The following KLF12 variants were observed in gnomAD, a reference collection of about 807,000 sequenced individuals.
The protein encoded by KLF12 is KLF transcription factor 12.
In KLF12, 9 loss-of-function variants were observed where a neutral mutation model predicts 37.8. That is an observed-to-expected ratio of 0.24 (90% CI 0.14 to 0.42). The LOEUF is 0.42. Ranked by LOEUF, KLF12 falls within the 10% of genes least tolerant of loss-of-function variation. KLF12 has a pLI of 1.00. For synonymous variants in KLF12, 208 were observed against 202.1 expected (o/e 1.03, Z -0.25); for missense variants, 411 against 516.0 (o/e 0.80, Z 1.97).
intron 5 of KLF12, among the ~76,000 whole-genome samples, chr13:73,795,886 A>G (rs1053972175): frequency 6.6e-6 from 1 of 152,206 alleles, no homozygotes; most frequent in African/African-American, 2.4e-5. Context: ...GAACTTTTAA[A>G]GTTCATATGG....
rs191975923 is a variant in KLF12 at position 73,993,583 on chromosome 13, A to G, written c.33+1407T>C. The stretch of plus-strand genomic sequence containing the variant: ...ATTTCTAAAGGAAAGGGATAAATAC[A>G]TTTTGCATGATAGGTAAAGAACATT... On this transcript the variant is annotated intron_variant, in intron 2 of 7. Transcript: ENST00000377669. Among the ~76,000 whole-genome samples the G allele has an allele frequency of 1.1e-3, 173 of 152,332 alleles. 1 individual carries two copies. The highest frequency in any genetic ancestry group is 1.6e-3 in the Non-Finnish European group (110 of 68,026).
At chr13:73,778,974 C>T (rs973170609) in intron 5 of KLF12, among the ~76,000 whole-genome samples, 4 of 152,106 alleles carry the variant, frequency 2.6e-5, no homozygotes, top group Admixed American at 6.5e-5. Flanking sequence ...GTGCTGTTTG[C>T]AGTTAAGGAT....
At chr13:74,126,621 G>A (rs1877959088) in intron 1 of KLF12, among the ~76,000 whole-genome samples, 1 of 151,792 alleles carries the variant, frequency 6.6e-6, no homozygotes, top group South Asian at 2.1e-4. Context: ...CACTTGTTTT[G>A]TTAAAATAAG....
intron 1 of KLF12, among the ~76,000 whole-genome samples, chr13:74,114,360 A>G (rs9573349): frequency 0.54 from 82,652 of 152,070 alleles, 27,535 homozygotes; most frequent in East Asian, 0.89. Flanking sequence ...TCACAATGCT[A>G]TTTTGTGCTT....
At chr13:73,770,655 T>A (rs1488448542) in intron 5 of KLF12, among the ~76,000 whole-genome samples, 2 of 152,016 alleles carry the variant, frequency 1.3e-5, no homozygotes, top group Non-Finnish European at 2.9e-5. Context: ...CCTGAGTAGC[T>A]GGGATTACAG....
chr13:73,945,096 GA>G (rs934311315), intron 2 of KLF12, among the ~76,000 whole-genome samples: 21 of 152,296 alleles, frequency 1.4e-4, no homozygotes, highest in African/African-American at 5.1e-4. Context: ...CCTACCTGGT[GA>G]AAAAGATAAG....
chr13:74,122,557 T>C (rs1033555213), intron 1 of KLF12, among the ~76,000 whole-genome samples: 1 of 152,118 alleles, frequency 6.6e-6, no homozygotes, highest in Non-Finnish European at 1.5e-5. Flanking sequence ...ATCTATTCTT[T>C]AGGTCTCTCA....
chr13:73,990,027 A>G (rs1012000989), intron 2 of KLF12, among the ~76,000 whole-genome samples: 1 of 152,208 alleles, frequency 6.6e-6, no homozygotes, highest in African/African-American at 2.4e-5. Context: ...AAGTCGACAT[A>G]GCTATGAAAT....
intron 3 of KLF12, among the ~76,000 whole-genome samples, chr13:73,899,185 A>C (rs1027041353): frequency 2.0e-5 from 3 of 152,188 alleles, no homozygotes; most frequent in Non-Finnish European, 4.4e-5. Flanking sequence ...GCCCTACTTT[A>C]AGAGGTCCTC....
chr13:73,923,742 C>T (rs1889233523), intron 3 of KLF12, among the ~76,000 whole-genome samples: 1 of 152,174 alleles, frequency 6.6e-6, no homozygotes, highest in African/African-American at 2.4e-5. Flanking sequence ...GGTGAACACC[C>T]AGGGTGTTTT....
chr13:73,858,919 G>A (rs1885755149), intron 3 of KLF12, among the ~76,000 whole-genome samples: 1 of 152,122 alleles, frequency 6.6e-6, no homozygotes, highest in Non-Finnish European at 1.5e-5. Flanking sequence ...GTGTTATAAA[G>A]ACTGTGAAAT....
At chr13:74,271,289 T>G in the KLF12 span, among the ~76,000 whole-genome samples, 4 of 152,218 alleles carry the variant, frequency 2.6e-5, no homozygotes, top group African/African-American at 9.6e-5. Context: ...AACTTTCTGT[T>G]GTCTGCAATC....
At chr13:73,714,316 A>G (rs9600157) in intron 7 of KLF12, among the ~76,000 whole-genome samples, 103,109 of 151,982 alleles carry the variant, frequency 0.68, 35,159 homozygotes, top group Middle Eastern at 0.8. Context: ...GAGCAGAGAG[A>G]GAACATGGGC....
At chr13:73,891,401 G>C (rs753838266) in intron 3 of KLF12, among the ~76,000 whole-genome samples, 4 of 152,068 alleles carry the variant, frequency 2.6e-5, no homozygotes, top group Admixed American at 2.0e-4. Flanking sequence ...CTCTCAACAA[G>C]TTGAATACAT....
At chr13:73,837,925 C>T (rs1053575100) in intron 4 of KLF12, among the ~76,000 whole-genome samples, 1 of 152,126 alleles carries the variant, frequency 6.6e-6, no homozygotes, top group Non-Finnish European at 1.5e-5. Context: ...CGCCAGGATT[C>T]CACCAAATGG....
rs1874047856 is a variant in KLF12 at position 73,695,143 on chromosome 13, G to A, written c.*347C>T. ...GGTCTTGCTCTAGCCATCAATTTGTGGTAGGTGACCTTTAAGGTATCAATA... is the reference window on the plus strand; with the variant it reads ...GGTCTTGCTCTAGCCATCAATTTGTAGTAGGTGACCTTTAAGGTATCAATA... On this transcript the variant is annotated 3_prime_UTR_variant, in exon 8 of 8. Coordinates refer to ENST00000377669, the MANE Select transcript of KLF12 (RefSeq NM_007249.5). The A allele has an allele frequency of 4.7e-6, 1 of 211,176 alleles. No homozygotes were observed. Among genetic ancestry groups the A allele is most frequent in the Non-Finnish European group, 9.5e-6 (1 of 105,076 alleles). The allele number at this position is 211,176 out of a possible 1,614,324, so 13.1% of individuals were successfully genotyped here.
At chr13:74,239,262 T>C in the KLF12 span, among the ~76,000 whole-genome samples, 2 of 152,116 alleles carry the variant, frequency 1.3e-5, no homozygotes, top group Non-Finnish European at 2.9e-5. Context: ...TGAGTGAGAT[T>C]CTTAATCCTG....
At chr13:73,819,232 C>CT (rs1042015544) in intron 4 of KLF12, among the ~76,000 whole-genome samples, 6 of 152,176 alleles carry the variant, frequency 3.9e-5, no homozygotes, top group Admixed American at 3.3e-4. Context: ...TCAGTTTCTT[C>CT]TCCTGCTACT....
At chr13:74,099,412 C>A (rs952147192) in intron 1 of KLF12, among the ~76,000 whole-genome samples, 1 of 152,068 alleles carries the variant, frequency 6.6e-6, no homozygotes, top group East Asian at 1.9e-4. Context: ...GCATATGAAC[C>A]CTTTACAATA....
Sources: gnomAD v4.1 joint callset for allele counts (sites outside exome capture counted in the v4.1 genomes callset) on GRCh38, gnomAD v4.1.1 for gene constraint, MANE v1.5 for transcripts, NCBI Gene and HGNC (gene_info 2026-07-23, HGNC 2026-07-21) for gene names.